The following ADAM9 variants were observed in gnomAD, a reference collection of about 807,000 sequenced individuals.
The protein encoded by ADAM9 is ADAM metallopeptidase domain 9.
Under a neutral mutation model 108.1 loss-of-function variants are expected in ADAM9, and 54 were observed. That is an observed-to-expected ratio of 0.50 (90% CI 0.40 to 0.63). ADAM9 has a LOEUF of 0.63. Ranked by LOEUF, ADAM9 falls within the 20% of genes least tolerant of loss-of-function variation. The pLI, the probability that ADAM9 is intolerant of heterozygous loss-of-function variation, is 0.00. For missense variants in ADAM9, 830 were observed against 997.7 expected, an observed-to-expected ratio of 0.83 and a Z score of 2.26; for synonymous variants, 316 against 336.0, an observed-to-expected ratio of 0.94 and a Z score of 0.65.
intron 12 of ADAM9, among the ~76,000 whole-genome samples, chr8:39,049,757 T>A (rs574949666): frequency 5.9e-4 from 90 of 152,302 alleles, no homozygotes; most frequent in African/African-American, 2.1e-3. Flanking sequence ...CATTTTATAC[T>A]TTTTCTTCTA....
At chr8:39,016,377 T>C (rs1564242149) in intron 5 of ADAM9, among the ~76,000 whole-genome samples, 183 bp downstream of exon 5, 1 of 152,224 alleles carries the variant, frequency 6.6e-6, no homozygotes, top group Non-Finnish European at 1.5e-5. Flanking sequence ...GAAAGTATTA[T>C]AGTTGATGAG....
chr8:39,091,284 C>T lies in ADAM9; in HGVS notation c.2236C>T (p.Pro746Ser), dbSNP rs868161074. ...GTCAGATGGCAAAAATCAAGCAAAC[C>T]CTTCTAGACAGCCGGGGAGTGTTCC... Reference protein sequence around the residue: ...YESDGKNQANPSRQPGSVPRH... With the variant: ...YESDGKNQANSSRQPGSVPRH... The change falls in exon 20 of 22, where the codon CCT (proline) becomes TCT (serine). Residue 746 changes from proline (P) to serine (S), a missense_variant. By Grantham distance (74) the Pro-to-Ser change is moderately conservative (BLOSUM62 -1). This residue lies in a region of ADAM9 where 238 missense variants were observed against 235.7 expected (regional missense o/e 1.01). Coordinates refer to ENST00000487273, the MANE Select transcript of ADAM9 (RefSeq NM_003816.3). 6.2e-7 allele frequency: 1 copy of T among 1,614,070 alleles called. No homozygotes were observed. Among genetic ancestry groups the T allele is most frequent in the Non-Finnish European group, 8.5e-7 (1 of 1,179,998 alleles).
At chr8:39,094,471 G>A (rs1252766618) in intron 20 of ADAM9, among the ~76,000 whole-genome samples, 1 of 152,120 alleles carries the variant, frequency 6.6e-6, no homozygotes, top group Admixed American at 6.6e-5. Context: ...TCCTCTTCAA[G>A]TGTTGGGAAG....
rs984455829 is a variant in ADAM9 at position 39,040,476 on chromosome 8, G to A, written c.1131-1470G>A. ...TCATGCACCTGTTGGCCATTTTTAT[G>A]TCATCTTTGGAGAAATGTCTATTTA... On this transcript the variant is annotated intron_variant, in intron 11 of 21. Transcript: ENST00000487273. 4.6e-5 allele frequency among the ~76,000 whole-genome samples: 7 copies of A among 152,092 alleles called. No homozygotes were observed. In the East Asian group the frequency reaches 1.3e-3, roughly 29 times the overall value.
chr8:39,003,088 C>T (rs1190551029), intron 1 of ADAM9, among the ~76,000 whole-genome samples: 1 of 152,206 alleles, frequency 6.6e-6, no homozygotes, highest in Non-Finnish European at 1.5e-5. Context: ...GTTGGCCAGG[C>T]TGGTCTCAGA....
intron 14 of ADAM9, among the ~76,000 whole-genome samples, chr8:39,066,621 G>C (rs545923449): frequency 6.6e-6 from 1 of 152,162 alleles, no homozygotes; most frequent in Non-Finnish European, 1.5e-5. Context: ...TTGTAAATTT[G>C]TTTGAGTTCT....
chr8:39,097,897 G>A (rs752205722), intron 20 of ADAM9, among the ~76,000 whole-genome samples: 2 of 152,206 alleles, frequency 1.3e-5, no homozygotes, highest in Non-Finnish European at 2.9e-5. Flanking sequence ...TATGTGTGGA[G>A]CACTGAGAAG....
intron 9 of ADAM9, among the ~76,000 whole-genome samples, chr8:39,023,863 C>T (rs1330029106): frequency 2.0e-5 from 3 of 150,342 alleles, no homozygotes; most frequent in African/African-American, 7.4e-5. Context: ...TCTCCTGCCT[C>T]AGCCTCCCGA....
intron 5 of ADAM9, chr8:39,016,891 G>A (rs1836548463): frequency 2.9e-6 from 1 of 346,534 alleles, no homozygotes; most frequent in South Asian, 2.9e-5. Context: ...GAGTCCTGCA[G>A]CTAGTAGAAG....
Position 39,066,163 on chromosome 8 carries a change from T to G in ADAM9, c.1592-5135T>G, listed in dbSNP as rs185611024. Among the ~76,000 whole-genome samples, 393 of 152,378 alleles carry G rather than the reference T, an allele frequency of 2.6e-3. 3 individuals carry two copies. Among genetic ancestry groups the G allele is most frequent in the African/African-American group, 8.6e-3 (357 of 41,596 alleles). On this transcript the variant is annotated intron_variant, in intron 14 of 21. Transcript: ENST00000487273. ...ATCCAGTCTATCATTGATGGACATT[T>G]GGGTTGGTTCCAAGTCTTTGCTGTT... is the stretch of plus-strand genomic sequence containing the variant.
chr8:39,009,964 A>AAACAAACC (rs1554572507), intron 2 of ADAM9, among the ~76,000 whole-genome samples: 8 of 106,530 alleles, frequency 7.5e-5, no homozygotes, highest in Non-Finnish European at 1.1e-4. Flanking sequence ...ACAAAAACAA[A>AAACAAACC]CCCCCCCCCC....
At chr8:38,998,901 C>A (rs896893433) in intron 1 of ADAM9, among the ~76,000 whole-genome samples, 1 of 152,134 alleles carries the variant, frequency 6.6e-6, no homozygotes. Flanking sequence ...GTCTTCTATG[C>A]TGAACTAAGG....
At chr8:39,092,679 T>G (rs1839394254) in intron 20 of ADAM9, among the ~76,000 whole-genome samples, 1 of 152,208 alleles carries the variant, frequency 6.6e-6, no homozygotes, top group Non-Finnish European at 1.5e-5. Flanking sequence ...AATTTTTACA[T>G]GTACAGTGCA....
chr8:39,045,471 TAC>T (rs765395278), intron 12 of ADAM9, among the ~76,000 whole-genome samples: 1,717 of 94,216 alleles, frequency 0.018, 7 homozygotes, highest in Non-Finnish European at 0.028. Flanking sequence ...TGCGTGTGTG[TAC>T]ACACACCTAT....
chr8:39,074,452 T>A (rs1166305119), intron 15 of ADAM9, among the ~76,000 whole-genome samples: 1 of 152,198 alleles, frequency 6.6e-6, no homozygotes, highest in African/African-American at 2.4e-5. Flanking sequence ...TTATCATTAT[T>A]TGCTTCATCA....
At chr8:39,013,110 G>A (rs1347826855) in intron 3 of ADAM9, among the ~76,000 whole-genome samples, 4 of 152,066 alleles carry the variant, frequency 2.6e-5, no homozygotes, top group Non-Finnish European at 4.4e-5. Flanking sequence ...GCAAGAGAAC[G>A]TGATCCTCAT....
At chr8:39,086,901 T>C (rs181971759) in intron 18 of ADAM9, among the ~76,000 whole-genome samples, 57 of 152,352 alleles carry the variant, frequency 3.7e-4, no homozygotes, top group Non-Finnish European at 7.6e-4. Flanking sequence ...ACGTTAATTA[T>C]GAGATTTCCC....
chr8:39,017,620 T>A (rs1403020070), intron 6 of ADAM9, among the ~76,000 whole-genome samples: 1 of 152,182 alleles, frequency 6.6e-6, no homozygotes, highest in Non-Finnish European at 1.5e-5. Context: ...GTTTAGATCC[T>A]GTGGGTTTTG....
At chr8:39,050,018 G>T (rs1406075037) in intron 12 of ADAM9, among the ~76,000 whole-genome samples, 1 of 152,082 alleles carries the variant, frequency 6.6e-6, no homozygotes, top group Non-Finnish European at 1.5e-5. Flanking sequence ...ATTTTTAAAG[G>T]ATAGTTTTGC....
Sources: allele counts gnomAD v4.1 joint callset (sites outside exome capture counted in the v4.1 genomes callset), GRCh38; gene constraint gnomAD v4.1.1; regional missense constraint gnomAD v4.1.1; transcripts MANE v1.5; gene names NCBI Gene and HGNC (gene_info 2026-07-23, HGNC 2026-07-21).